Variants in IL31RA observed in about 807,000 individuals in gnomAD.
IL31RA encodes interleukin 31 receptor A.
Under a neutral mutation model 83.7 loss-of-function variants are expected in IL31RA, and 66 were observed. That is an observed-to-expected ratio of 0.79 (90% CI 0.65 to 0.97). The LOEUF (loss-of-function observed/expected upper bound fraction) is 0.97. Among genes scored for constraint, IL31RA ranks in the 50% least tolerant of loss-of-function variants. The pLI is 0.00. For missense variants in IL31RA, 798 were observed against 919.4 expected, an observed-to-expected ratio of 0.87 and a Z score of 1.71; for synonymous variants, 325 against 329.0, an observed-to-expected ratio of 0.99 and a Z score of 0.13.
intron 8 of IL31RA, among the ~76,000 whole-genome samples, chr5:55,900,512 A>G (rs991833087): frequency 6.6e-6 from 1 of 152,146 alleles, no homozygotes; most frequent in Non-Finnish European, 1.5e-5. Flanking sequence ...TCTTCTCCCC[A>G]CAAATGGGTA....
chr5:55,843,850 ATG>A, the IL31RA span, among the ~76,000 whole-genome samples: 1 of 152,054 alleles, frequency 6.6e-6, no homozygotes, highest in Non-Finnish European at 1.5e-5. Context: ...TTTAATCTAT[ATG>A]TGTCTTTATA....
chr5:55,856,745 G>T (rs570496921), intron 1 of IL31RA, among the ~76,000 whole-genome samples: 1 of 152,114 alleles, frequency 6.6e-6, no homozygotes, highest in African/African-American at 2.4e-5. Flanking sequence ...AGAGTCTTTC[G>T]CTCCAGTGAC....
chr5:55,900,273 A>G (rs1748733866), intron 8 of IL31RA, 141 bp downstream of exon 8: 1 of 716,212 alleles, frequency 1.4e-6, no homozygotes, highest in East Asian at 2.6e-5. Flanking sequence ...TGGTGAAGCA[A>G]TGAGAATTTG....
At chr5:55,898,922 G>C (rs990432595) in intron 7 of IL31RA, among the ~76,000 whole-genome samples, 4 of 152,096 alleles carry the variant, frequency 2.6e-5, no homozygotes, top group Admixed American at 1.3e-4. Context: ...TACTCGGGAG[G>C]CTGAGGCAGG....
rs148913445 is a variant in IL31RA at position 55,913,937 on chromosome 5, G to T, written c.1736+367G>T. Among the ~76,000 whole-genome samples, 740 of 152,264 alleles carry T rather than the reference G, an allele frequency of 4.9e-3. 11 individuals carry two copies. Among genetic ancestry groups the T allele is most frequent in the African/African-American group, 0.015 (642 of 41,556 alleles). The stretch of plus-strand genomic sequence containing the variant: ...TGGCTGCAGCAAGAGGCCTTCTTGC[G>T]AGCTCTGTCTCAGGCAGAGCGGGGA... On this transcript the variant is annotated intron_variant, in intron 13 of 14. Transcript: ENST00000652347.
At chr5:55,874,148 C>T (rs1746694657) in intron 4 of IL31RA, among the ~76,000 whole-genome samples, 1 of 152,054 alleles carries the variant, frequency 6.6e-6, no homozygotes, top group Admixed American at 6.5e-5. Flanking sequence ...AAGATGATTT[C>T]TGACCCCATG....
intron 3 of IL31RA, among the ~76,000 whole-genome samples, chr5:55,871,381 T>G (rs1746495622): frequency 6.6e-6 from 1 of 152,196 alleles, no homozygotes; most frequent in African/African-American, 2.4e-5. Context: ...CAAACACTGG[T>G]ACCTTGCAAG....
chr5:55,914,482 G>A (rs748587898), intron 13 of IL31RA, among the ~76,000 whole-genome samples: 10 of 152,152 alleles, frequency 6.6e-5, no homozygotes, highest in Admixed American at 1.3e-4. Flanking sequence ...GAAAGTATGG[G>A]TAGCTTATAA....
intron 8 of IL31RA, 108 bp from the exon 9 acceptor site, chr5:55,905,998 T>C: frequency 8.9e-7 from 1 of 1,125,830 alleles, no homozygotes; most frequent in Non-Finnish European, 1.4e-6. Context: ...GTGGAGATCC[T>C]GAACTTTGGC....
At chr5:55,872,989 A>G (rs771530516) in intron 4 of IL31RA, among the ~76,000 whole-genome samples, 14 of 152,286 alleles carry the variant, frequency 9.2e-5, no homozygotes, top group Non-Finnish European at 1.5e-4. Context: ...AAAGTTGTAC[A>G]TATGTTACCA....
intron 9 of IL31RA, among the ~76,000 whole-genome samples, chr5:55,907,024 T>C (rs1008251823): frequency 1.3e-5 from 2 of 152,216 alleles, no homozygotes; most frequent in African/African-American, 4.8e-5. Flanking sequence ...CACAGGGTGA[T>C]GATATGTTGT....
At position 55,910,552 on chromosome 5, in the gene IL31RA, A is replaced by C; in HGVS notation, c.1522A>C (p.Ile508Leu). ...KGFSKTVNSSILQYGLESLKR... is the reference protein window; with the variant it reads ...KGFSKTVNSSLLQYGLESLKR... The stretch of plus-strand genomic sequence containing the variant: ...TTTAGCCAAGACAGTCAATTCCAGC[A>C]TCTTGCAGTACGGCCTGGAGTCCCT... Residue 508 changes from isoleucine (I) to leucine (L), a missense_variant, in exon 12 of 15, where the codon ATC becomes CTC. Ile to Leu is a conservative substitution (Grantham distance 5, BLOSUM62 2). Transcript: ENST00000652347. 6.2e-7 allele frequency: 1 copy of C among 1,614,202 alleles called. No individual in the cohort carries two copies. The highest frequency in any genetic ancestry group is 8.5e-7 in the Non-Finnish European group (1 of 1,180,034).
intron 11 of IL31RA, chr5:55,908,650 G>A (rs1284687305): frequency 6.5e-7 from 1 of 1,536,340 alleles, no homozygotes; most frequent in Non-Finnish European, 8.8e-7. Flanking sequence ...AATGGAAGGA[G>A]TTGTTATAAT....
At chr5:55,888,454 C>G (rs868798983) in intron 5 of IL31RA, among the ~76,000 whole-genome samples, 4 of 152,038 alleles carry the variant, frequency 2.6e-5, no homozygotes, top group Admixed American at 1.3e-4. Context: ...GTGATGAGAA[C>G]CACTACACAG....
In IL31RA at chr5:55,908,243, T is replaced by C. The variant is rs537505305; in HGVS notation, c.1355-22T>C. On this transcript the variant is annotated intron_variant, in intron 10 of 14. Transcript: ENST00000652347. ...CTGGAGTGCGGTTCAGTGATTATCA[T>C]TTATCCCTCTGTCCTTTCCAGTTCC... is the stretch of plus-strand genomic sequence containing the variant. 2.5e-6 allele frequency: 4 copies of C among 1,613,884 alleles called. No individual in the cohort carries two copies. The East Asian group carries it at 6.7e-5, about 27-fold the overall frequency.
In IL31RA at chr5:55,906,431, ACG is replaced by A. The variant is rs1749165457; in HGVS notation, c.1252+145_1252+146del. 9 of 828,524 alleles carry A rather than the reference ACG, an allele frequency of 1.1e-5. No homozygotes were observed. The South Asian group carries it at 1.3e-4, about 12-fold the overall frequency. The allele number at this position is 828,524 out of a possible 1,614,324, so 51.3% of individuals were successfully genotyped here. A position where few individuals can be genotyped will look rare whatever the true frequency, so the allele number is the denominator to read the frequency against. Reference sequence around the variant, plus strand: ...GCTTGTGCAAGCTTAATGAAGTGACACGCTTCTTGGTATTTCCAAGGCAAGGC... The same window carrying A: ...GCTTGTGCAAGCTTAATGAAGTGACACTTCTTGGTATTTCCAAGGCAAGGC... On this transcript the variant is annotated intron_variant, in intron 9 of 14. Transcript: ENST00000652347.
chr5:55,897,426 C>G (rs1190981852), intron 7 of IL31RA, among the ~76,000 whole-genome samples: 1 of 152,040 alleles, frequency 6.6e-6, no homozygotes, highest in African/African-American at 2.4e-5. Flanking sequence ...CTGGAGGAAA[C>G]GATCACTGAC....
intron 2 of IL31RA, among the ~76,000 whole-genome samples, chr5:55,863,334 T>C (rs150953764): frequency 1.6e-4 from 25 of 152,106 alleles, no homozygotes; most frequent in African/African-American, 6.0e-4. Context: ...TCAGGGAGAG[T>C]TGTTTATGCT....
At chr5:55,861,322 A>G (rs1433795341) in intron 2 of IL31RA, among the ~76,000 whole-genome samples, 1 of 152,170 alleles carries the variant, frequency 6.6e-6, no homozygotes, top group East Asian at 1.9e-4. Flanking sequence ...AGACCATGTT[A>G]GGAACTGGGC....
Sources: allele counts gnomAD v4.1 joint callset (sites outside exome capture counted in the v4.1 genomes callset), GRCh38; gene constraint gnomAD v4.1.1; transcripts MANE v1.5; gene names NCBI Gene and HGNC (gene_info 2026-07-23, HGNC 2026-07-21).